NFIA: variants seen among roughly 807,000 people sequenced by gnomAD.
The protein encoded by NFIA is nuclear factor I A, also known as nuclear factor 1 A-type.
NFIA carries 8 observed loss-of-function variants against 62.8 expected under a neutral mutation model. That is an observed-to-expected ratio of 0.13 (90% CI 0.07 to 0.23). NFIA has a LOEUF of 0.23. Ranked by LOEUF, NFIA falls within the 10% of genes least tolerant of loss-of-function variation. The pLI is 1.00. For missense variants in NFIA, 410 were observed against 642.1 expected, an observed-to-expected ratio of 0.64 and a Z score of 3.91; for synonymous variants, 235 against 238.1, an observed-to-expected ratio of 0.99 and a Z score of 0.12.
In NFIA at chr1:61,462,043, G is replaced by GGTTTTTTTTTTTTTTTTTTT; in HGVS notation, c.*6724_*6725insTTTTTTTTTTTTTTTTTTTG. The GGTTTTTTTTTTTTTTTTTTT allele has an allele frequency of 3.1e-5, 1 of 32,166 alleles. No homozygotes were observed. The highest frequency in any genetic ancestry group is 6.1e-5 in the Non-Finnish European group (1 of 16,284). 2.0% of individuals were successfully genotyped at this position (32,166 alleles called of 1,614,324 possible). On this transcript the variant is annotated 3_prime_UTR_variant, in exon 11 of 11. Coordinates refer to ENST00000403491, the MANE Select transcript of NFIA (RefSeq NM_001134673.4). ...TTTTGGGTTTTTTTTTTTTTTTTTT[G>GGTTTTTTTTTTTTTTTTTTT]GCTTTTTTTTTTGTTTGTTTTTTTT...
rs572883464 is a variant in NFIA at position 61,309,738 on chromosome 1, A to C, written c.626-22774A>C. Reference sequence around the variant, plus strand: ...ACCCCGTCTCTACTAAAAATACAAAAATTAGCTGGGTGTGGTGGCATGCAC... The same window carrying C: ...ACCCCGTCTCTACTAAAAATACAAACATTAGCTGGGTGTGGTGGCATGCAC... On this transcript the variant is annotated intron_variant, in intron 3 of 10. Transcript: ENST00000403491. Among the ~76,000 whole-genome samples the C allele has an allele frequency of 1.2e-3, 189 of 152,218 alleles. 1 individual carries two copies. Among genetic ancestry groups the C allele is most frequent in the Non-Finnish European group, 2.1e-3 (142 of 68,010 alleles).
At chr1:61,357,792 C>T (rs6697913) in intron 5 of NFIA, among the ~76,000 whole-genome samples, 1 of 151,964 alleles carries the variant, frequency 6.6e-6, no homozygotes, top group Non-Finnish European at 1.5e-5. Context: ...CATACGAAAA[C>T]TTCTGTCCCC....
intron 10 of NFIA, among the ~76,000 whole-genome samples, chr1:61,445,871 A>C (rs1376265682): frequency 6.6e-6 from 1 of 152,162 alleles, no homozygotes; most frequent in African/African-American, 2.4e-5. Flanking sequence ...TGTTTTGCAG[A>C]AAAGTTAAAG....
intron 2 of NFIA, among the ~76,000 whole-genome samples, chr1:61,116,334 G>A (rs1646793217): frequency 6.6e-6 from 1 of 152,198 alleles, no homozygotes. Context: ...AATTGCAAGT[G>A]TAAGGATTTT....
chr1:61,385,396 A>T (rs1456640699), intron 7 of NFIA, among the ~76,000 whole-genome samples: 1 of 152,204 alleles, frequency 6.6e-6, no homozygotes, highest in Admixed American at 6.5e-5. Context: ...AGAGCTGGGT[A>T]GGCTCCCTCT....
At chr1:61,269,665 G>A (rs925751992) in intron 2 of NFIA, among the ~76,000 whole-genome samples, 2 of 152,176 alleles carry the variant, frequency 1.3e-5, no homozygotes, top group Non-Finnish European at 2.9e-5. Flanking sequence ...TATCCAGACA[G>A]TGTTGTCTGA....
chr1:61,325,061 T>G (rs996005206), intron 3 of NFIA, among the ~76,000 whole-genome samples: 4 of 152,226 alleles, frequency 2.6e-5, no homozygotes, highest in African/African-American at 7.2e-5. Context: ...ATTGTAGAGA[T>G]AGCACATTGT....
chr1:61,322,037 G>A (rs1418311447), intron 3 of NFIA, among the ~76,000 whole-genome samples: 3 of 152,114 alleles, frequency 2.0e-5, no homozygotes, highest in Non-Finnish European at 4.4e-5. Flanking sequence ...ATTAAAATGG[G>A]ATAAAATTCA....
At chr1:61,287,998 C>T (rs751110691) in intron 3 of NFIA, among the ~76,000 whole-genome samples, 1 of 152,126 alleles carries the variant, frequency 6.6e-6, no homozygotes, top group Non-Finnish European at 1.5e-5. Flanking sequence ...CCATTCCTTC[C>T]GCATCTGCTG....
intron 4 of NFIA, among the ~76,000 whole-genome samples, chr1:61,349,312 C>T (rs1306254904): frequency 6.6e-6 from 1 of 152,098 alleles, no homozygotes; most frequent in East Asian, 1.9e-4. Context: ...GAATTTCAGT[C>T]TTCCATTTTT....
intron 3 of NFIA, among the ~76,000 whole-genome samples, chr1:61,282,674 C>T (rs1658208893): frequency 6.6e-6 from 1 of 152,174 alleles, no homozygotes; most frequent in Non-Finnish European, 1.5e-5. Context: ...CCCCCACTGG[C>T]TCTCACTGTT....
At chr1:61,151,096 A>T (rs539687969) in intron 2 of NFIA, among the ~76,000 whole-genome samples, 1 of 152,320 alleles carries the variant, frequency 6.6e-6, no homozygotes, top group African/African-American at 2.4e-5. Context: ...TTCCTTTATC[A>T]TGGCCATTGA....
intron 2 of NFIA, among the ~76,000 whole-genome samples, chr1:61,240,766 C>T (rs999396208): frequency 6.6e-6 from 1 of 151,982 alleles, no homozygotes; most frequent in Non-Finnish European, 1.5e-5. Context: ...CAGAGTCACA[C>T]CAGTGCAAAA....
At chr1:61,406,158 AT>A (rs1665808456) in intron 8 of NFIA, among the ~76,000 whole-genome samples, 1 of 152,224 alleles carries the variant, frequency 6.6e-6, no homozygotes. Flanking sequence ...ACACTTAGAT[AT>A]TAAATATTTA....
chr1:61,223,591 T>G (rs1393280135), intron 2 of NFIA, among the ~76,000 whole-genome samples: 3 of 152,072 alleles, frequency 2.0e-5, no homozygotes, highest in East Asian at 3.8e-4. Context: ...TTTTAAAAAT[T>G]TTATGATCAC....
intron 2 of NFIA, among the ~76,000 whole-genome samples, chr1:61,161,004 T>A (rs1420564704): frequency 6.6e-6 from 1 of 152,194 alleles, no homozygotes; most frequent in Non-Finnish European, 1.5e-5. Context: ...AACCTCTGCC[T>A]CCCAGGTTCA....
chr1:61,249,870 C>T (rs1655914095), intron 2 of NFIA: 1 of 152,044 alleles, frequency 6.6e-6, no homozygotes, highest in Non-Finnish European at 1.5e-5. Flanking sequence ...AGTTTGAGTA[C>T]ACAAGATACA....
intron 10 of NFIA, among the ~76,000 whole-genome samples, chr1:61,453,723 C>T (rs1320218248): frequency 1.3e-5 from 2 of 152,124 alleles, no homozygotes; most frequent in Non-Finnish European, 2.9e-5. Context: ...AGGGAGGAAG[C>T]GGCTCTAACG....
At chr1:61,380,075 A>G (rs1049168194) in intron 6 of NFIA, among the ~76,000 whole-genome samples, 1 of 152,188 alleles carries the variant, frequency 6.6e-6, no homozygotes, top group Non-Finnish European at 1.5e-5. Context: ...AGGGAAATTG[A>G]AAATTCAAAA....
Sources: allele counts gnomAD v4.1 joint callset (sites outside exome capture counted in the v4.1 genomes callset), GRCh38; gene constraint gnomAD v4.1.1; transcripts MANE v1.5; gene names NCBI Gene and HGNC (gene_info 2026-07-23, HGNC 2026-07-21).